Variants in PMM2 observed in about 807,000 individuals in gnomAD.
PMM2 encodes the protein mannose-6-phosphate isomerase.
PMM2 carries 35 observed loss-of-function variants against 33.2 expected under a neutral mutation model. The observed-to-expected ratio is 1.06, with a 90% CI of 0.81 to 1.40. PMM2 has a LOEUF of 1.40. PMM2 is among the 40% of genes most tolerant of loss of function. The probability of loss-of-function intolerance (pLI) is 0.00; values close to 1 mark genes in which losing one functional copy is unlikely to be tolerated. For missense variants in PMM2, 386 were observed against 306.0 expected, an observed-to-expected ratio of 1.26 and a Z score of -1.95; for synonymous variants, 153 against 114.7, an observed-to-expected ratio of 1.33 and a Z score of -2.13.
chr16:8,800,194 A>T (rs931513441), intron 1 of PMM2, among the ~76,000 whole-genome samples: 1 of 152,034 alleles, frequency 6.6e-6, no homozygotes, highest in African/African-American at 2.4e-5. Context: ...CCCAGTCTCT[A>T]CTAAAAATAC....
intron 7 of PMM2, 77 bp from the exon 8 acceptor site, chr16:8,847,647 T>C (rs2060935903): frequency 3.7e-6 from 4 of 1,070,594 alleles, no homozygotes; most frequent in South Asian, 1.2e-5. Flanking sequence ...TTGGGTACTT[T>C]TGGACTCCAG....
At chr16:8,846,051 C>T (rs1227738461) in intron 7 of PMM2, among the ~76,000 whole-genome samples, 1 of 152,172 alleles carries the variant, frequency 6.6e-6, no homozygotes, top group East Asian at 1.9e-4. Flanking sequence ...TGGTACAAAA[C>T]TGTGTAAGGC....
intron 4 of PMM2, chr16:8,807,594 AAGTG>A (rs2060654771): frequency 6.6e-6 from 1 of 152,474 alleles, no homozygotes; most frequent in African/African-American, 2.4e-5. Context: ...TCCTTGGCTC[AAGTG>A]ATCCTCCTAC....
chr16:8,844,790 G>A (rs564559055), intron 7 of PMM2, among the ~76,000 whole-genome samples: 120 of 152,228 alleles, frequency 7.9e-4, no homozygotes, highest in Non-Finnish European at 1.5e-3. Context: ...ATTAAGAGAA[G>A]GGAGAGATTG....
chr16:8,806,037 C>A (rs1462074885), intron 3 of PMM2, among the ~76,000 whole-genome samples: 1 of 152,268 alleles, frequency 6.6e-6, no homozygotes, highest in Middle Eastern at 3.4e-3. Flanking sequence ...CAGCAGTAAG[C>A]TCTTTGGACC....
chr16:8,827,297 T>A (rs914277364), intron 7 of PMM2, among the ~76,000 whole-genome samples: 7 of 149,310 alleles, frequency 4.7e-5, no homozygotes, highest in African/African-American at 1.7e-4. Flanking sequence ...TTCAGTTGAC[T>A]GAGAAGAAAG....
intron 7 of PMM2, among the ~76,000 whole-genome samples, chr16:8,843,074 A>T (rs1208888445): frequency 6.6e-6 from 1 of 152,146 alleles, no homozygotes; most frequent in Non-Finnish European, 1.5e-5. Context: ...TAATAAGGGA[A>T]CTGGGCAGGT....
At chr16:8,845,318 A>G (rs900408706) in intron 7 of PMM2, among the ~76,000 whole-genome samples, 5 of 152,210 alleles carry the variant, frequency 3.3e-5, no homozygotes, top group East Asian at 1.9e-4. Flanking sequence ...TGGGGCAGAA[A>G]CAAATCACAA....
chr16:8,832,844 C>A (rs2060818932), intron 7 of PMM2: 1 of 985,356 alleles, frequency 1.0e-6, no homozygotes, highest in South Asian at 4.7e-5. Context: ...TCTCTGATGG[C>A]CACATGGCCT....
intron 7 of PMM2, among the ~76,000 whole-genome samples, chr16:8,842,042 G>A (rs955439054): frequency 8.0e-5 from 12 of 150,626 alleles, no homozygotes; most frequent in African/African-American, 2.0e-4. Flanking sequence ...GGCTAAAACA[G>A]TAAGGTCAAG....
chr16:8,831,928 C>T (rs1029617368), intron 7 of PMM2, among the ~76,000 whole-genome samples: 2 of 152,232 alleles, frequency 1.3e-5, no homozygotes, highest in Non-Finnish European at 1.5e-5. Flanking sequence ...CCCCCCTTCC[C>T]TCCCTTCTCC....
chr16:8,816,735 C>T (rs749654507), intron 7 of PMM2, among the ~76,000 whole-genome samples: 1 of 151,954 alleles, frequency 6.6e-6, no homozygotes, highest in Non-Finnish European at 1.5e-5. Flanking sequence ...GAGCGAAACT[C>T]GGTCTCAAAA....
chr16:8,835,749 T>C (rs532253257), intron 7 of PMM2, among the ~76,000 whole-genome samples: 1 of 152,072 alleles, frequency 6.6e-6, no homozygotes, highest in South Asian at 2.1e-4. Context: ...TTAATCCTTT[T>C]AAAGCGTGCC....
intron 7 of PMM2, among the ~76,000 whole-genome samples, chr16:8,841,489 G>T (rs1206378475): frequency 7.3e-6 from 1 of 136,884 alleles, no homozygotes; most frequent in Non-Finnish European, 1.6e-5. Flanking sequence ...GTAGGGAAGG[G>T]AAGGGGCCTG....
chr16:8,843,500 C>T (rs944458497), intron 7 of PMM2, among the ~76,000 whole-genome samples: 6 of 126,978 alleles, frequency 4.7e-5, no homozygotes, highest in East Asian at 4.6e-4. Context: ...TCCTGGGCTG[C>T]AGGCATTCCT....
At chr16:8,822,104 G>C (rs574603995) in intron 7 of PMM2, among the ~76,000 whole-genome samples, 3 of 152,212 alleles carry the variant, frequency 2.0e-5, no homozygotes, top group African/African-American at 7.2e-5. Context: ...AAGAATTTGG[G>C]GATCAGAGTT....
At chr16:8,801,408 T>C (rs1224661718) in intron 1 of PMM2, among the ~76,000 whole-genome samples, 1 of 152,208 alleles carries the variant, frequency 6.6e-6, no homozygotes, top group Admixed American at 6.5e-5. Flanking sequence ...ACCTGGCTTA[T>C]ACCTGTAATC....
chr16:8,844,431 CCT>C lies in PMM2; in HGVS notation c.640-3289_640-3288del, dbSNP rs2060910873. 2.0e-5 allele frequency among the ~76,000 whole-genome samples: 3 copies of C among 152,156 alleles called. No homozygotes were observed. In the South Asian group the frequency reaches 6.2e-4, roughly 32 times the overall value. On this transcript the variant is annotated intron_variant, in intron 7 of 7. Coordinates refer to ENST00000268261, the MANE Select transcript of PMM2 (RefSeq NM_000303.3). ...CAGAGATACGAGTTTGGGGTACTTG[CCT>C]CTCCCCCAGAAAAGCGGGACTTGCC...
intron 7 of PMM2, among the ~76,000 whole-genome samples, chr16:8,823,105 C>G (rs1271446357): frequency 6.6e-6 from 1 of 152,110 alleles, no homozygotes; most frequent in Non-Finnish European, 1.5e-5. Context: ...AGTCCTAAGA[C>G]TAGATCAGTT....
Sources: gnomAD v4.1 joint callset for allele counts (sites outside exome capture counted in the v4.1 genomes callset) on GRCh38, gnomAD v4.1.1 for gene constraint, MANE v1.5 for transcripts, NCBI Gene and HGNC (gene_info 2026-07-23, HGNC 2026-07-21) for gene names.